ATP1A3: variants seen among roughly 807,000 people sequenced by gnomAD.
ATP1A3 encodes ATPase Na+/K+ transporting subunit alpha 3.
Under a neutral mutation model 108.8 loss-of-function variants are expected in ATP1A3, and 12 were observed. The observed-to-expected ratio is 0.11, with a 90% confidence interval of 0.07 to 0.18. ATP1A3 has a LOEUF of 0.18. ATP1A3 is among the 10% of genes least tolerant of loss of function. The pLI is 1.00. For missense variants in ATP1A3, 498 were observed against 1,387.7 expected, an observed-to-expected ratio of 0.36 and a Z score of 10.19; for synonymous variants, 539 against 564.5, an observed-to-expected ratio of 0.95 and a Z score of 0.64.
intron 4 of ATP1A3, among the ~76,000 whole-genome samples, chr19:41,987,278 G>A (rs918132105): frequency 7.9e-5 from 12 of 152,156 alleles, no homozygotes; most frequent in Non-Finnish European, 1.3e-4. Flanking sequence ...CTCTGTGCCT[G>A]ACTCTCATGT....
intron 1 of ATP1A3, chr19:41,993,764 C>T (rs1555868113): frequency 3.3e-6 from 2 of 607,686 alleles, no homozygotes; most frequent in African/African-American, 3.7e-5. Context: ...CTGACAGAGC[C>T]AGCAGCTCTC....
In ATP1A3 at chr19:41,968,771, C is replaced by A; in HGVS notation, c.2819+14G>T. ...CAGATGGCTGTCCAGTCACCATGTG[C>A]CCCCGGCCCTCACTTCATGCCCTGC... On this transcript the variant is annotated intron_variant, in intron 20 of 22. Coordinates refer to ENST00000648268, the MANE Select transcript of ATP1A3 (RefSeq NM_152296.5). The surrounding 1 kb of genome is among the most constrained non-coding windows in gnomAD (Gnocchi z 5.0). 1.9e-6 allele frequency: 3 copies of A among 1,612,886 alleles called. No homozygotes were observed. Among genetic ancestry groups the A allele is most frequent in the Non-Finnish European group, 2.5e-6 (3 of 1,179,142 alleles).
At chr19:41,976,303 AG>A in intron 15 of ATP1A3, 112 bp downstream of exon 15, 1 of 1,428,096 alleles carries the variant, frequency 7.0e-7, no homozygotes, top group Non-Finnish European at 9.6e-7. Context: ...TCTCAGACCC[AG>A]GGGTCCAGAC....
At chr19:41,983,293 G>A (rs58945601) in intron 8 of ATP1A3, among the ~76,000 whole-genome samples, 78 of 151,944 alleles carry the variant, frequency 5.1e-4, no homozygotes, top group African/African-American at 1.8e-3. Context: ...GGCCAGGCTG[G>A]TCTTGAACTC....
Position 41,988,202 on chromosome 19 carries a change from C to A in ATP1A3, c.154-63G>T. ...CAACCCTGGCACCCCAGGCCTTCAC[C>A]AGACCCCCAGAACTTAAGACACCAG... On this transcript the variant is annotated intron_variant, in intron 3 of 22. Transcript: ENST00000648268. This position sits in a 1 kb window ranked among gnomAD's most constrained non-coding sequence, Gnocchi z 5.3. 1 of 1,612,720 alleles carries A rather than the reference C, an allele frequency of 6.2e-7. No homozygotes were observed. The highest frequency in any genetic ancestry group is 8.5e-7 in the Non-Finnish European group (1 of 1,178,824).
Position 41,984,769 on chromosome 19 carries a change from C to G in ATP1A3, c.993+149G>C, listed in dbSNP as rs1599722209. The G allele has an allele frequency of 6.2e-6, 6 of 973,412 alleles. No homozygotes were observed. The East Asian group carries it at 1.6e-4, about 26-fold the overall frequency. The allele number at this position is 973,412 out of a possible 1,614,324, so 60.3% of individuals were successfully genotyped here. A position where few individuals can be genotyped will look rare whatever the true frequency, so the allele number is the denominator to read the frequency against. ...TCTCCGGACCCAGGGGTCCAGATCCCAGCCCCTCCTCCCCCAGACACACGG... is the reference window on the plus strand; with the variant it reads ...TCTCCGGACCCAGGGGTCCAGATCCGAGCCCCTCCTCCCCCAGACACACGG... On this transcript the variant is annotated intron_variant, in intron 8 of 22. Coordinates refer to ENST00000648268, the MANE Select transcript of ATP1A3 (RefSeq NM_152296.5).
At chr19:41,974,574 T>C (rs1195870940) in intron 16 of ATP1A3, among the ~76,000 whole-genome samples, 1 of 152,210 alleles carries the variant, frequency 6.6e-6, no homozygotes, top group African/African-American at 2.4e-5. Context: ...GCCGTTTGAA[T>C]TCTCTTTTAC....
chr19:41,992,292 A>C (rs2075347920), intron 1 of ATP1A3, among the ~76,000 whole-genome samples: 1 of 152,106 alleles, frequency 6.6e-6, no homozygotes, highest in African/African-American at 2.4e-5. Context: ...CATCTGTTGG[A>C]GTGCACAGCT....
intron 14 of ATP1A3, among the ~76,000 whole-genome samples, chr19:41,977,120 A>C (rs1357980596): frequency 6.6e-6 from 1 of 151,468 alleles, no homozygotes; most frequent in Non-Finnish European, 1.5e-5. Flanking sequence ...GACACAGTGG[A>C]TTCAGAGGAA....
intron 16 of ATP1A3, among the ~76,000 whole-genome samples, chr19:41,972,899 GAGGA>G (rs2075128547): frequency 1.4e-5 from 2 of 147,082 alleles, no homozygotes; most frequent in African/African-American, 2.5e-5. Flanking sequence ...CGGAGGGAGG[GAGGA>G]AGGGAGGGAG....
rs1555863211 is a variant in ATP1A3 at position 41,981,293 on chromosome 19, C to G, written c.1437+209G>C. Among the ~76,000 whole-genome samples the G allele has an allele frequency of 2.0e-5, 3 of 152,084 alleles. No homozygotes were observed. On this transcript the variant is annotated intron_variant, in intron 11 of 22. Transcript: ENST00000648268. The surrounding 1 kb of genome is among the most constrained non-coding windows in gnomAD (Gnocchi z 5.0). ...GTGTTAAAGGTGTGAGCCACCGCGC[C>G]TGGCCTGCAGGAAGATCTTTACTCC... is the stretch of plus-strand genomic sequence containing the variant.
chr19:41,986,591 G>A, intron 4 of ATP1A3: 2 of 305,010 alleles, frequency 6.6e-6, no homozygotes, highest in South Asian at 3.0e-5. Context: ...ACAGGTGCAT[G>A]CCACCACACC....
rs900620222 is a variant in ATP1A3 at position 41,988,902 on chromosome 19, C to T, written c.7-340G>A. Among the ~76,000 whole-genome samples the T allele has an allele frequency of 2.0e-5, 3 of 152,150 alleles. No homozygotes were observed. The highest frequency in any genetic ancestry group is 7.2e-5 in the African/African-American group (3 of 41,430). On this transcript the variant is annotated intron_variant, in intron 1 of 22. Transcript: ENST00000648268. This position sits in a 1 kb window ranked among gnomAD's most constrained non-coding sequence, Gnocchi z 5.3. ...TTCAGTCTCTCTCTGTTTCTGTGCCCATCTTTGCGGGGCTCTCCCCTTTTG... is the reference window on the plus strand; with the variant it reads ...TTCAGTCTCTCTCTGTTTCTGTGCCTATCTTTGCGGGGCTCTCCCCTTTTG...
rs921548856 is a variant in ATP1A3, at chr19:41,978,918, C to G, written c.1438-120G>C. On this transcript the variant is annotated intron_variant, in intron 11 of 22. Transcript: ENST00000648268. This position sits in a 1 kb window ranked among gnomAD's most constrained non-coding sequence, Gnocchi z 8.3. ...GGATAGGCCCACACCAGGGCTCCCC[C>G]ACACTCTCTCACAGAGACCTCTGCT... The G allele has an allele frequency of 1.2e-6, 1 of 826,526 alleles. No individual in the cohort carries two copies. The highest frequency in any genetic ancestry group is 2.0e-6 in the Non-Finnish European group (1 of 511,230). 51.2% of individuals were successfully genotyped at this position (826,526 alleles called of 1,614,324 possible). A position where few individuals can be genotyped will look rare whatever the true frequency, so the allele number is the denominator to read the frequency against.
rs369131791 is a variant in ATP1A3, at chr19:41,985,152, G to A, written c.759C>T (p.Asp253=). 6.8e-6 allele frequency: 11 copies of A among 1,613,302 alleles called. No homozygotes were observed. Among genetic ancestry groups the A allele is most frequent in the Non-Finnish European group, 9.3e-6 (11 of 1,179,598 alleles). The change falls in exon 8 of 23, where the codon GAC becomes GAT. Residue 253 remains aspartate, a synonymous_variant. Coordinates refer to ENST00000648268, the MANE Select transcript of ATP1A3 (RefSeq NM_152296.5). This position sits in a 1 kb window ranked among gnomAD's most constrained non-coding sequence, Gnocchi z 8.2. ...TARGVVVATG[D]RTVMGRIATL... is the part of the protein sequence containing the mutation. ...TGGCGATACGGCCCATGACAGTGCG[G>A]TCGCCCGTGGCCACCACCACGCCCC...
At position 41,981,745 on chromosome 19, in the gene ATP1A3, G is replaced by T; in HGVS notation, c.1279C>A (p.Gln427Lys). ...LCNRAVFKGG[Q>K]DNIPVLKRDV... ...ACCTTGAGCACAGGGATGTTGTCCTGACCACCCTTGAAGACAGCGCGATTG... is the reference window on the plus strand; with the variant it reads ...ACCTTGAGCACAGGGATGTTGTCCTTACCACCCTTGAAGACAGCGCGATTG... Residue 427 changes from glutamine to lysine, a missense_variant, in exon 10 of 23, where the codon CAG (glutamine) becomes AAG (lysine). This residue lies in a region of ATP1A3 where 36 missense variants were observed against 58.7 expected (regional missense o/e 0.61). Transcript: ENST00000648268. This position sits in a 1 kb window ranked among gnomAD's most constrained non-coding sequence, Gnocchi z 5.0. 6.2e-7 allele frequency: 1 copy of T among 1,614,216 alleles called. No individual in the cohort carries two copies. The highest frequency in any genetic ancestry group is 1.1e-5 in the South Asian group (1 of 91,072).
intron 1 of ATP1A3, among the ~76,000 whole-genome samples, chr19:41,990,702 C>G (rs901697671): frequency 6.8e-6 from 1 of 148,076 alleles, no homozygotes; most frequent in African/African-American, 2.5e-5. Flanking sequence ...ATATCTGTCT[C>G]TTTTTGTAGG....
Position 41,988,110 on chromosome 19 carries a change from G to T in ATP1A3, c.183C>A (p.Ile61=). The change falls in exon 4 of 23, where the codon ATC becomes ATA. Residue 61 remains isoleucine, a synonymous_variant. Transcript: ENST00000648268. The surrounding 1 kb of genome is among the most constrained non-coding windows in gnomAD (Gnocchi z 5.3). ...GTGCGTTAGGCCCATCCCGGGCCAGGATCTCCTGGGCTTTGCTGTGGGTCA... is the reference window on the plus strand; with the variant it reads ...GTGCGTTAGGCCCATCCCGGGCCAGTATCTCCTGGGCTTTGCTGTGGGTCA... The part of the protein sequence containing the change: ...QGLTHSKAQE[I]LARDGPNALT... 1 of 1,614,150 alleles carries T rather than the reference G, an allele frequency of 6.2e-7. No homozygotes were observed. Among genetic ancestry groups the T allele is most frequent in the South Asian group, 1.1e-5 (1 of 91,074 alleles).
At position 41,978,863 on chromosome 19, in the gene ATP1A3, C is replaced by T; in HGVS notation, c.1438-65G>A. 1 of 1,551,368 alleles carries T rather than the reference C, an allele frequency of 6.4e-7. No individual in the cohort carries two copies. The highest frequency in any genetic ancestry group is 8.8e-7 in the Non-Finnish European group (1 of 1,130,950). ...GACACCAGGAAGCTCCCTGCCCCAT[C>T]CTGTCCCCTGTCCAGAGCCACGGGT... On this transcript the variant is annotated intron_variant, in intron 11 of 22. Coordinates refer to ENST00000648268, the MANE Select transcript of ATP1A3 (RefSeq NM_152296.5). The surrounding 1 kb of genome is among the most constrained non-coding windows in gnomAD (Gnocchi z 8.3).
Sources: gnomAD v4.1 joint callset for allele counts (sites outside exome capture counted in the v4.1 genomes callset) on GRCh38, gnomAD v4.1.1 for gene constraint, gnomAD v4.1.1 regional missense constraint, Gnocchi (gnomAD v3.1) non-coding constraint, MANE v1.5 for transcripts, NCBI Gene and HGNC (gene_info 2026-07-23, HGNC 2026-07-21) for gene names.